SERPINF1: variants seen among roughly 807,000 people sequenced by gnomAD.
SERPINF1 encodes serpin family F member 1.
A neutral mutation model predicts 37.3 loss-of-function variants in SERPINF1; 29 were observed. The ratio of observed to expected loss-of-function variants is 0.78; its 90% confidence interval spans 0.58 to 1.06. The LOEUF (loss-of-function observed/expected upper bound fraction) is 1.06. Ranked by LOEUF, SERPINF1 falls within the 50% of genes least tolerant of loss-of-function variation. The pLI is 0.00. For synonymous variants in SERPINF1, 281 were observed against 227.9 expected (o/e 1.23, Z -2.10); for missense variants, 553 against 532.2 (o/e 1.04, Z -0.38).
chr17:1,762,509 C>T (rs1419074357), intron 1 of SERPINF1, among the ~76,000 whole-genome samples: 1 of 152,210 alleles, frequency 6.6e-6, no homozygotes, highest in Non-Finnish European at 1.5e-5. Context: ...GGAGCTGCTT[C>T]CACCAAGGGC....
At chr17:1,774,475 G>C (rs1321034667) in intron 5 of SERPINF1, among the ~76,000 whole-genome samples, 1 of 152,180 alleles carries the variant, frequency 6.6e-6, no homozygotes, top group African/African-American at 2.4e-5. Flanking sequence ...TGAGATTACA[G>C]ATGTGAGGCA....
At chr17:1,763,188 C>G (rs1907187036) in intron 1 of SERPINF1, among the ~76,000 whole-genome samples, 3 of 152,202 alleles carry the variant, frequency 2.0e-5, no homozygotes, top group Non-Finnish European at 4.4e-5. Flanking sequence ...CCCATGCTAT[C>G]TCCGAGGCCC....
At chr17:1,770,942 A>G in intron 3 of SERPINF1, 87 bp from the exon 4 acceptor site, 9 of 1,539,396 alleles carry the variant, frequency 5.8e-6, no homozygotes, top group Non-Finnish European at 8.1e-6. Flanking sequence ...GACAAAAAAG[A>G]TGAGTATAGT....
At position 1,771,072 on chromosome 17, in the gene SERPINF1, C is replaced by T; in HGVS notation, c.327C>T (p.Tyr109=). The part of the protein sequence containing the change: ...RTESIIHRAL[Y]YDLISSPDIH... ...AATCCATCATTCACCGGGCTCTCTA[C>T]TATGACTTGATCAGCAGCCCAGACA... Residue 109 remains tyrosine, a synonymous_variant, in exon 4 of 8, where the codon TAC becomes TAT. Transcript: ENST00000254722. The T allele has an allele frequency of 6.2e-7, 1 of 1,614,100 alleles. No homozygotes were observed. Among genetic ancestry groups the T allele is most frequent in the Non-Finnish European group, 8.5e-7 (1 of 1,180,006 alleles).
At position 1,771,111 on chromosome 17, in the gene SERPINF1, T is replaced by C. The variant is rs768740764; in HGVS notation, c.366T>C (p.Tyr122=). ...LISSPDIHGT[Y]KELLDTVTAP... ...GCAGCCCAGACATCCATGGTACCTA[T>C]AAGGAGCTCCTTGACACGGTCACTG... is the stretch of plus-strand genomic sequence containing the variant. Residue 122 remains tyrosine (Y), a synonymous_variant, in exon 4 of 8, where the codon TAT becomes TAC. Coordinates refer to ENST00000254722, the MANE Select transcript of SERPINF1 (RefSeq NM_002615.7). 1.2e-6 allele frequency: 2 copies of C among 1,614,090 alleles called. No homozygotes were observed. Among genetic ancestry groups the C allele is most frequent in the Non-Finnish European group, 1.7e-6 (2 of 1,180,020 alleles).
rs1183662131 is a variant in SERPINF1 at position 1,775,152 on chromosome 17, C to A, written c.738C>A (p.Asp246Glu). The change falls in exon 6 of 8, where the codon GAC (aspartate) becomes GAA (glutamate). Residue 246 changes from aspartate to glutamate, a missense_variant. Coordinates refer to ENST00000254722, the MANE Select transcript of SERPINF1 (RefSeq NM_002615.7). ...ERTVRVPMMS[D>E]PKAVLRYGLD... ...CCGTGAGGGTCCCCATGATGTCGGA[C>A]CCTAAGGCTGTTTTACGCTATGGCT... 2 of 1,614,090 alleles carry A rather than the reference C, an allele frequency of 1.2e-6. No homozygotes were observed. The highest frequency in any genetic ancestry group is 8.5e-7 in the Non-Finnish European group (1 of 1,180,028).
intron 4 of SERPINF1, 64 bp downstream of exon 4, chr17:1,771,248 G>GTA: frequency 2.8e-6 from 4 of 1,437,412 alleles, no homozygotes; most frequent in Non-Finnish European, 3.7e-6. Flanking sequence ...GGCTGGGGGG[G>GTA]TCTTTTTTTT....
Position 1,777,543 on chromosome 17 carries a change from C to A in SERPINF1, c.*97C>A, listed in dbSNP as rs1490930773. The A allele has an allele frequency of 1.4e-6, 2 of 1,447,590 alleles. No homozygotes were observed. The highest frequency in any genetic ancestry group is 1.9e-6 in the Non-Finnish European group (2 of 1,035,964). The allele number at this position is 1,447,590 out of a possible 1,614,324, so 89.7% of individuals were successfully genotyped here. A position where few individuals can be genotyped will look rare whatever the true frequency, so the allele number is the denominator to read the frequency against. On this transcript the variant is annotated 3_prime_UTR_variant, in exon 8 of 8. Coordinates refer to ENST00000254722, the MANE Select transcript of SERPINF1 (RefSeq NM_002615.7). ...TGCCCCTGTAAGGTTTCAATGCATA[C>A]AATAAAAGAGCTTTATCCCTAACTT... is the stretch of plus-strand genomic sequence containing the variant.
chr17:1,766,760 G>A lies in SERPINF1; in HGVS notation c.-8-143G>A, dbSNP rs1907402705. ...GGTCCACTTCTGGGGGCCTGGAGGG[G>A]TGAGGGGTGGTCGCTGCAGGGGGTG... On this transcript the variant is annotated intron_variant, in intron 1 of 7. Transcript: ENST00000254722. The A allele has an allele frequency of 9.6e-6, 7 of 726,818 alleles. No homozygotes were observed. The South Asian group carries it at 1.2e-4, about 12-fold the overall frequency. The allele number at this position is 726,818 out of a possible 1,614,324, so 45.0% of individuals were successfully genotyped here.
intron 5 of SERPINF1, among the ~76,000 whole-genome samples, chr17:1,773,528 G>A (rs1416960871): frequency 2.0e-5 from 3 of 152,198 alleles, no homozygotes; most frequent in African/African-American, 4.8e-5. Context: ...GATTACAGGC[G>A]TGAGCCACTG....
At chr17:1,764,517 G>A (rs1222359835) in intron 1 of SERPINF1, among the ~76,000 whole-genome samples, 1 of 152,272 alleles carries the variant, frequency 6.6e-6, no homozygotes, top group African/African-American at 2.4e-5. Flanking sequence ...GGCTGGGAAC[G>A]CAGAGGTCTG....
At chr17:1,774,627 C>T (rs1474381659) in intron 5 of SERPINF1, among the ~76,000 whole-genome samples, 4 of 152,034 alleles carry the variant, frequency 2.6e-5, no homozygotes, top group South Asian at 2.1e-4. Context: ...TCACCGTGCC[C>T]GGCCATTTTT....
At chr17:1,773,403 A>G (rs377652500) in intron 5 of SERPINF1, among the ~76,000 whole-genome samples, 1 of 151,898 alleles carries the variant, frequency 6.6e-6, no homozygotes, top group South Asian at 2.1e-4. Flanking sequence ...CCGCCACCAC[A>G]CCCAGCTAAT....
Position 1,766,648 on chromosome 17 carries a change from AG to A in SERPINF1, c.-8-254del, listed in dbSNP as rs568782425. 563 of 405,768 alleles carry A rather than the reference AG, an allele frequency of 1.4e-3. 4 individuals are homozygous for A. The highest frequency in any genetic ancestry group is 0.011 in the African/African-American group (530 of 48,830). 25.1% of individuals were successfully genotyped at this position (405,768 alleles called of 1,614,324 possible). ...CCCCTGACGCAGACAGTGGAACAAA[AG>A]CACAAGCTTATGGTATGACTGTGGG... On this transcript the variant is annotated intron_variant, in intron 1 of 7. Transcript: ENST00000254722.
chr17:1,771,493 C>T (rs541649069), intron 4 of SERPINF1, among the ~76,000 whole-genome samples: 5 of 152,222 alleles, frequency 3.3e-5, no homozygotes, highest in Admixed American at 6.5e-5. Context: ...CCGCCTCGAC[C>T]TCCCAAAGTG....
At chr17:1,775,671 G>A (rs1340933007) in intron 6 of SERPINF1, among the ~76,000 whole-genome samples, 1 of 151,956 alleles carries the variant, frequency 6.6e-6, no homozygotes, top group Non-Finnish European at 1.5e-5. Context: ...AGCCTCCTGA[G>A]TAGCTGGGAT....
At chr17:1,773,377 T>C (rs369066220) in intron 5 of SERPINF1, among the ~76,000 whole-genome samples, 2 of 152,028 alleles carry the variant, frequency 1.3e-5, no homozygotes, top group South Asian at 2.1e-4. Flanking sequence ...TCCCGAGTAG[T>C]TGGGATTACA....
At position 1,769,883 on chromosome 17, in the gene SERPINF1, T is replaced by C. The variant is rs1178754991; in HGVS notation, c.116T>C (p.Leu39Pro). 9.3e-6 allele frequency: 15 copies of C among 1,614,190 alleles called. No individual in the cohort carries two copies. Among genetic ancestry groups the C allele is most frequent in the Non-Finnish European group, 1.3e-5 (15 of 1,180,028 alleles). The change falls in exon 3 of 8, where the codon CTG (leucine) becomes CCG (proline). Residue 39 changes from leucine to proline, a missense_variant. Transcript: ENST00000254722. ...CCAGACCCCGACAGCACAGGGGCGCTGGTGGAGGAGGAGGATCCTTTCTTC... is the reference window on the plus strand; with the variant it reads ...CCAGACCCCGACAGCACAGGGGCGCCGGTGGAGGAGGAGGATCCTTTCTTC... ...GSPDPDSTGA[L>P]VEEEDPFFKV... is the part of the protein sequence containing the mutation.
At chr17:1,772,838 G>A (rs1214692705) in intron 5 of SERPINF1, among the ~76,000 whole-genome samples, 13 of 152,104 alleles carry the variant, frequency 8.5e-5, no homozygotes, top group African/African-American at 2.9e-4. Flanking sequence ...GAGCCACTGC[G>A]CCCGGCCCTT....
Sources: gnomAD v4.1 joint callset for allele counts (sites outside exome capture counted in the v4.1 genomes callset) on GRCh38, gnomAD v4.1.1 for gene constraint, MANE v1.5 for transcripts, NCBI Gene and HGNC (gene_info 2026-07-23, HGNC 2026-07-21) for gene names.